The following NOL8 variants were observed in gnomAD, a reference collection of about 807,000 sequenced individuals.
The protein encoded by NOL8 is nucleolar protein Nop132.
In NOL8, 93 loss-of-function variants were observed where a neutral mutation model predicts 116.1. That is an observed-to-expected ratio of 0.80 (90% CI 0.68 to 0.95). The LOEUF (loss-of-function observed/expected upper bound fraction) is 0.95. NOL8 is among the 40% of genes least tolerant of loss of function. The pLI, the probability that NOL8 is intolerant of heterozygous loss-of-function variation, is 0.00. For synonymous variants in NOL8, 419 were observed against 469.0 expected (o/e 0.89, Z 1.38); for missense variants, 1,291 against 1,382.8 (o/e 0.93, Z 1.05).
Position 92,314,290 on chromosome 9 carries a change from C to T in NOL8, c.2335G>A (p.Val779Met), listed in dbSNP as rs1351260849. The change falls in exon 7 of 17, where the codon GTG (valine) becomes ATG (methionine). Residue 779 changes from valine (V) to methionine (M), a missense_variant. Coordinates refer to ENST00000442668, the MANE Select transcript of NOL8 (RefSeq NM_017948.6). ...QKAKEVQKKLVHNALANLDGH... is the reference protein window; with the variant it reads ...QKAKEVQKKLMHNALANLDGH... ...ACCAAATTTGCCAGAGCATTATGCA[C>T]CAGCTTCTTCTGCACTTCTTTTGCT... 6.3e-7 allele frequency: 1 copy of T among 1,586,212 alleles called. No individual in the cohort carries two copies. Among genetic ancestry groups the T allele is most frequent in the East Asian group, 2.3e-5 (1 of 44,400 alleles).
chr9:92,305,770 ATC>A lies in NOL8; in HGVS notation c.2884_2885del (p.Asp962Ter), dbSNP rs1244167249. On this transcript the variant is annotated frameshift_variant, in exon 12 of 17. Coordinates refer to ENST00000442668, the MANE Select transcript of NOL8 (RefSeq NM_017948.6). LOFTEE classifies it high-confidence loss of function. ...QDHATYERKR[D>X]DKPKESKAKR... ...CTACTTACCTTTCTTTTGGCTTATC[ATC>A]TCTTTTTCTTTCGTAAGTGGCATGG... The A allele has an allele frequency of 1.2e-6, 2 of 1,610,380 alleles. No individual in the cohort carries two copies. The highest frequency in any genetic ancestry group is 1.3e-5 in the African/African-American group (1 of 74,782).
At chr9:92,319,543 A>G (rs1303933195) in intron 4 of NOL8, among the ~76,000 whole-genome samples, 187 bp from the exon 5 acceptor site, 1 of 152,234 alleles carries the variant, frequency 6.6e-6, no homozygotes, top group Non-Finnish European at 1.5e-5. Context: ...CAATGTTTTT[A>G]TTATAGAATA....
In NOL8 at chr9:92,317,363, A is replaced by G. The variant is rs961832073; in HGVS notation, c.487-1225T>C. On this transcript the variant is annotated intron_variant, in intron 6 of 16. Transcript: ENST00000442668. Reference sequence around the variant, plus strand: ...TGTCTATTGTCTCTACTGTCCTTCAATATCTTCCTCTTTGCCATCAGCAGC... The same window carrying G: ...TGTCTATTGTCTCTACTGTCCTTCAGTATCTTCCTCTTTGCCATCAGCAGC... Among the ~76,000 whole-genome samples the G allele has an allele frequency of 4.6e-5, 7 of 152,330 alleles. No individual in the cohort carries two copies. The East Asian group carries it at 1.4e-3, about 29-fold the overall frequency.
chr9:92,311,383 A>C (rs978034358), intron 7 of NOL8, 124 bp from the exon 8 acceptor site: 2 of 614,204 alleles, frequency 3.3e-6, no homozygotes, highest in Non-Finnish European at 2.8e-6. Context: ...TCTGCACAGC[A>C]AAAGAAAAAC....
intron 7 of NOL8, among the ~76,000 whole-genome samples, chr9:92,313,421 T>G (rs560211620): frequency 3.3e-5 from 5 of 152,314 alleles, no homozygotes; most frequent in East Asian, 3.9e-4. Flanking sequence ...CAAAAACTAT[T>G]TTTAGCTTGA....
At chr9:92,313,357 G>T (rs1344552744) in intron 7 of NOL8, among the ~76,000 whole-genome samples, 1 of 152,092 alleles carries the variant, frequency 6.6e-6, no homozygotes, top group Non-Finnish European at 1.5e-5. Context: ...TCTGTAAAAG[G>T]CCAGAGTAAA....
At chr9:92,310,387 A>G (rs183280187) in intron 9 of NOL8, 126 bp from the exon 10 acceptor site, 382 of 1,153,794 alleles carry the variant, frequency 3.3e-4, no homozygotes, top group Non-Finnish European at 4.7e-4. Flanking sequence ...GCCTACCTCC[A>G]TCTACTTATG....
In NOL8 at chr9:92,311,158, C is replaced by T. The variant is rs1838744586; in HGVS notation, c.2460G>A (p.Glu820=). 8 of 1,612,912 alleles carry T rather than the reference C, an allele frequency of 5.0e-6. No individual in the cohort carries two copies. The highest frequency in any genetic ancestry group is 6.8e-6 in the Non-Finnish European group (8 of 1,179,088). The part of the protein sequence containing the change: ...TSTQEQSHPG[E]EWVKESMGKT... The stretch of plus-strand genomic sequence containing the variant: ...CTGAACTTCTTACTTTCACCCATTC[C>T]TCTCCTGGATGGCTCTGCTCCTGAG... The change falls in exon 8 of 17, where the codon GAG becomes GAA. Residue 820 remains glutamate (E), a synonymous_variant. Transcript: ENST00000442668.
chr9:92,313,334 T>C (rs1199837438), intron 7 of NOL8, among the ~76,000 whole-genome samples: 1 of 151,496 alleles, frequency 6.6e-6, no homozygotes. Flanking sequence ...CAAACAGAGG[T>C]TGACAAACTT....
rs1839324949 is a variant in NOL8, at chr9:92,315,656, T to C, written c.969A>G (p.Gln323=). The change falls in exon 7 of 17, where the codon CAA becomes CAG. Residue 323 remains glutamine, a synonymous_variant. Coordinates refer to ENST00000442668, the MANE Select transcript of NOL8 (RefSeq NM_017948.6). The part of the protein sequence containing the change: ...AKEENLQRTT[Q]PSINESESDP... Reference sequence around the variant, plus strand: ...CACTTTCAGATTCATTTATTGAGGGTTGTGTAGTTCTCTGTAAGTTTTCCT... The same window carrying C: ...CACTTTCAGATTCATTTATTGAGGGCTGTGTAGTTCTCTGTAAGTTTTCCT... 6.2e-7 allele frequency: 1 copy of C among 1,613,022 alleles called. No homozygotes were observed. The highest frequency in any genetic ancestry group is 1.1e-5 in the South Asian group (1 of 90,928).
At chr9:92,318,889 C>T (rs1839668791) in intron 5 of NOL8, 2 of 551,308 alleles carry the variant, frequency 3.6e-6, no homozygotes, top group South Asian at 5.2e-5. Flanking sequence ...AGCTATCAAT[C>T]CCAAGTAAAC....
intron 6 of NOL8, among the ~76,000 whole-genome samples, chr9:92,316,663 T>C (rs1839439320): frequency 6.6e-6 from 1 of 152,110 alleles, no homozygotes; most frequent in African/African-American, 2.4e-5. Flanking sequence ...TAGGTCTTTA[T>C]TAGAAAGCTG....
chr9:92,306,968 C>CT lies in NOL8; in HGVS notation c.2742dup (p.Ala915SerfsTer25). 6.2e-7 allele frequency: 1 copy of CT among 1,613,174 alleles called. No homozygotes were observed. The stretch of plus-strand genomic sequence containing the variant: ...AAAACACTTTGTACAACATTCAGGG[C>CT]TTTCTTTTTTTCTTCAGCAAGCTCT... On this transcript the variant is annotated frameshift_variant, in exon 11 of 17. Transcript: ENST00000442668. LOFTEE classifies it high-confidence loss of function.
chr9:92,319,971 T>G lies in NOL8; in HGVS notation c.282-615A>C, dbSNP rs957889770. 3 of 430,546 alleles carry G rather than the reference T, an allele frequency of 7.0e-6. No homozygotes were observed. In the Admixed American group the frequency reaches 7.3e-5, roughly 10 times the overall value. The allele number at this position is 430,546 out of a possible 1,614,324, so 26.7% of individuals were successfully genotyped here. A position where few individuals can be genotyped will look rare whatever the true frequency, so the allele number is the denominator to read the frequency against. On this transcript the variant is annotated intron_variant, in intron 4 of 16. Coordinates refer to ENST00000442668, the MANE Select transcript of NOL8 (RefSeq NM_017948.6). ...TGCTCTGCTCCAGTGGATGTCCCAG[T>G]TCCCCTTTATGGAAGACCAAGACCA...
intron 5 of NOL8, 139 bp from the exon 6 acceptor site, chr9:92,318,825 G>C: frequency 1.7e-6 from 1 of 584,296 alleles, no homozygotes; most frequent in Non-Finnish European, 2.9e-6. Context: ...TGAAATAAGA[G>C]TTACCAAAGA....
At chr9:92,314,167 C>T in intron 7 of NOL8, 100 bp downstream of exon 7, 1 of 1,402,800 alleles carries the variant, frequency 7.1e-7, no homozygotes, top group Non-Finnish European at 9.3e-7. Flanking sequence ...CTGGTGAACA[C>T]CAAGACAATC....
At chr9:92,303,393 T>C (rs1004483006) in intron 12 of NOL8, among the ~76,000 whole-genome samples, 8 of 152,318 alleles carry the variant, frequency 5.3e-5, no homozygotes, top group Middle Eastern at 3.4e-3. Flanking sequence ...CATCATTTCA[T>C]GAAAAAATTA....
At chr9:92,304,549 A>G (rs1394688868) in intron 12 of NOL8, among the ~76,000 whole-genome samples, 2 of 152,200 alleles carry the variant, frequency 1.3e-5, no homozygotes, top group Non-Finnish European at 2.9e-5. Context: ...GGGGGTAAAC[A>G]TATCCTATTT....
chr9:92,305,719 T>C, intron 12 of NOL8, 34 bp downstream of exon 12: 1 of 1,377,980 alleles, frequency 7.3e-7, no homozygotes, highest in Non-Finnish European at 1.0e-6. Context: ...TTAATTTACA[T>C]GATCCTATTG....
Sources: gnomAD v4.1 joint callset for allele counts (sites outside exome capture counted in the v4.1 genomes callset) on GRCh38, gnomAD v4.1.1 for gene constraint, MANE v1.5 for transcripts, NCBI Gene and HGNC (gene_info 2026-07-23, HGNC 2026-07-21) for gene names.